Variants in SCAMP5 observed in about 807,000 individuals in gnomAD.
The protein encoded by SCAMP5 is secretory carrier-associated membrane protein 5.
A neutral mutation model predicts 28.3 loss-of-function variants in SCAMP5; 7 were observed. The observed-to-expected ratio is 0.25, with a 90% confidence interval of 0.14 to 0.46. SCAMP5 has a LOEUF of 0.46. Ranked by LOEUF, SCAMP5 falls within the 20% of genes least tolerant of loss-of-function variation. The pLI, the probability that SCAMP5 is intolerant of heterozygous loss-of-function variation, is 0.99. For missense variants in SCAMP5, 192 were observed against 312.5 expected (o/e 0.61, Z 2.91); for synonymous variants, 117 against 116.4 (o/e 1.00, Z -0.03).
intron 3 of SCAMP5, among the ~76,000 whole-genome samples, chr15:75,016,071 C>T (rs2065856944): frequency 6.6e-6 from 1 of 152,140 alleles, no homozygotes; most frequent in South Asian, 2.1e-4. Flanking sequence ...CTTTCCATGC[C>T]CATATCTCGA....
rs1203239595 is a variant in SCAMP5, at chr15:75,019,827, A to G, written c.*844A>G. On this transcript the variant is annotated 3_prime_UTR_variant, in exon 7 of 7. Coordinates refer to ENST00000425597, the MANE Select transcript of SCAMP5 (RefSeq NM_138967.4). ...GAGCCCACCTGGGTACCTGACCCCC[A>G]GGGGATGAAAATGCAAGGATGAGTC... The G allele has an allele frequency of 1.3e-5, 2 of 152,664 alleles. No homozygotes were observed. Among genetic ancestry groups the G allele is most frequent in the Admixed American group, 6.5e-5 (1 of 15,282 alleles). 9.5% of individuals were successfully genotyped at this position (152,664 alleles called of 1,614,324 possible).
chr15:75,012,543 C>A lies in SCAMP5; in HGVS notation c.8-134C>A, dbSNP rs553784007. ...CACAGCTGACCCGGGGAGGTAGGGA[C>A]GGCTGGGTGGGGAAAGCAGAGTGGC... is the stretch of plus-strand genomic sequence containing the variant. On this transcript the variant is annotated intron_variant, in intron 2 of 6. Transcript: ENST00000425597. 21 of 1,004,622 alleles carry A rather than the reference C, an allele frequency of 2.1e-5. No individual in the cohort carries two copies. The East Asian group carries it at 5.1e-4, about 24-fold the overall frequency. 62.2% of individuals were successfully genotyped at this position (1,004,622 alleles called of 1,614,324 possible).
At chr15:75,016,784 T>C in intron 4 of SCAMP5, 35 bp downstream of exon 4, 1 of 1,550,866 alleles carries the variant, frequency 6.4e-7, no homozygotes, top group Non-Finnish European at 8.8e-7. Flanking sequence ...TGCCTAGCCG[T>C]CTCTGCCCAT....
At position 74,995,580 on chromosome 15, in the gene SCAMP5, G is replaced by A. The variant is rs2065643205; in HGVS notation, c.-142G>A. ...CGCGCGCTCCCCGCCCCCAGCCCCG[G>A]AGCGGCTCGCGGCCGGCTCCGCGCC... is the stretch of plus-strand genomic sequence containing the variant. On this transcript the variant is annotated 5_prime_UTR_variant, in exon 1 of 7. Transcript: ENST00000425597. The A allele has an allele frequency of 7.0e-6, 1 of 143,812 alleles. No homozygotes were observed. Among genetic ancestry groups the A allele is most frequent in the African/African-American group, 2.5e-5 (1 of 39,632 alleles). The allele number at this position is 143,812 out of a possible 1,614,324, so 8.9% of individuals were successfully genotyped here.
Position 75,003,208 on chromosome 15 carries a change from C to A in SCAMP5, c.-49+7535C>A, listed in dbSNP as rs539327314. Among the ~76,000 whole-genome samples, 171 of 152,324 alleles carry A rather than the reference C, an allele frequency of 1.1e-3. 5 individuals carry two copies. The South Asian group carries it at 0.034, about 30-fold the overall frequency. On this transcript the variant is annotated intron_variant, in intron 1 of 6. Transcript: ENST00000425597. ...AAAGTGCTGGGATTACAGGCGTGAGCCATGGTGCCCAGCCTGCAAATTGGC... is the reference window on the plus strand; with the variant it reads ...AAAGTGCTGGGATTACAGGCGTGAGACATGGTGCCCAGCCTGCAAATTGGC...
intron 1 of SCAMP5, chr15:74,995,989 T>TC (rs1057045180): frequency 8.6e-5 from 13 of 152,018 alleles, no homozygotes; most frequent in Non-Finnish European, 1.8e-4. Context: ...GGGCCCTCCA[T>TC]CCCCCCCGCC....
chr15:75,000,359 G>A (rs112025779), intron 1 of SCAMP5, among the ~76,000 whole-genome samples: 9,263 of 151,438 alleles, frequency 0.061, 339 homozygotes, highest in Admixed American at 0.11. Flanking sequence ...ACATGCCACC[G>A]GGCTAGGCAT....
At chr15:75,006,729 C>A (rs1158820871) in intron 1 of SCAMP5, among the ~76,000 whole-genome samples, 3 of 149,182 alleles carry the variant, frequency 2.0e-5, no homozygotes, top group Non-Finnish European at 4.4e-5. Flanking sequence ...GAGCCGAGAT[C>A]ACGCCGCTGC....
intron 4 of SCAMP5, among the ~76,000 whole-genome samples, chr15:75,017,485 A>G (rs1275259188): frequency 6.6e-6 from 1 of 151,950 alleles, no homozygotes; most frequent in African/African-American, 2.4e-5. Flanking sequence ...GAGACTTTCT[A>G]TCTCTGAGCC....
rs779369723 is a variant in SCAMP5 at position 75,018,361 on chromosome 15, G to C, written c.396-57G>C. On this transcript the variant is annotated intron_variant, in intron 5 of 6. Transcript: ENST00000425597. The surrounding 1 kb of genome is among the most constrained non-coding windows in gnomAD (Gnocchi z 5.6). ...ATGAGACGGTCCCTTCCTCTAGCGGGGGGCTCCTGGGCACCTCTTATCCTG... is the reference window on the plus strand; with the variant it reads ...ATGAGACGGTCCCTTCCTCTAGCGGCGGGCTCCTGGGCACCTCTTATCCTG... The C allele has an allele frequency of 9.6e-7, 1 of 1,038,498 alleles. No individual in the cohort carries two copies. Among genetic ancestry groups the C allele is most frequent in the Non-Finnish European group, 1.5e-6 (1 of 654,862 alleles). The allele number at this position is 1,038,498 out of a possible 1,614,324, so 64.3% of individuals were successfully genotyped here.
At chr15:75,010,253 G>A (rs989699645) in intron 1 of SCAMP5, among the ~76,000 whole-genome samples, 26 of 152,038 alleles carry the variant, frequency 1.7e-4, no homozygotes, top group African/African-American at 5.8e-4. Flanking sequence ...GTCCCCCAGC[G>A]TCTCTACCCT....
At chr15:74,997,950 G>A (rs868159940) in intron 1 of SCAMP5, among the ~76,000 whole-genome samples, 2 of 152,252 alleles carry the variant, frequency 1.3e-5, no homozygotes, top group South Asian at 2.1e-4. Flanking sequence ...TTAGCAGGTT[G>A]GCTCTGGGCA....
chr15:74,996,907 G>A lies in SCAMP5; in HGVS notation c.-49+1234G>A, dbSNP rs551437476. Among the ~76,000 whole-genome samples, 29 of 152,250 alleles carry A rather than the reference G, an allele frequency of 1.9e-4. No homozygotes were observed. Among genetic ancestry groups the A allele is most frequent in the African/African-American group, 5.5e-4 (23 of 41,546 alleles). On this transcript the variant is annotated intron_variant, in intron 1 of 6. Transcript: ENST00000425597. The surrounding 1 kb of genome is among the most constrained non-coding windows in gnomAD (Gnocchi z 4.1). ...TCTGGTGAATGGGCCCCTGAAAGAG[G>A]GTCTTAGGTTTAGCAAACCCCTTGG...
intron 1 of SCAMP5, among the ~76,000 whole-genome samples, chr15:75,000,076 A>G (rs549119422): frequency 1.3e-5 from 2 of 152,366 alleles, no homozygotes; most frequent in Admixed American, 6.5e-5. Flanking sequence ...CCTAAAGATC[A>G]GACTGTTAAA....
chr15:75,003,170 A>T (rs1412079181), intron 1 of SCAMP5, among the ~76,000 whole-genome samples: 2 of 152,190 alleles, frequency 1.3e-5, no homozygotes, highest in Non-Finnish European at 2.9e-5. Flanking sequence ...TGATCCGTCC[A>T]TCTCGGCCTC....
chr15:75,011,093 T>TACTC (rs2065807039), intron 1 of SCAMP5, among the ~76,000 whole-genome samples: 1 of 151,994 alleles, frequency 6.6e-6, no homozygotes, highest in East Asian at 1.9e-4. Flanking sequence ...TAGTTCCAGC[T>TACTC]ACTCAGGAGG....
intron 1 of SCAMP5, among the ~76,000 whole-genome samples, chr15:75,004,065 C>T (rs1402671274): frequency 3.3e-5 from 5 of 151,638 alleles, no homozygotes; most frequent in African/African-American, 4.9e-5. Context: ...CCACCATGCC[C>T]GGCTAATTTT....
At chr15:75,012,906 T>C in intron 3 of SCAMP5, 101 bp downstream of exon 3, 2 of 1,165,602 alleles carry the variant, frequency 1.7e-6, no homozygotes, top group Non-Finnish European at 2.5e-6. Context: ...CTGACTGTCC[T>C]TCAGTCCCAC....
chr15:75,017,906 T>C lies in SCAMP5; in HGVS notation c.330T>C (p.Phe110=). 1 of 1,613,950 alleles carries C rather than the reference T, an allele frequency of 6.2e-7. No individual in the cohort carries two copies. The highest frequency in any genetic ancestry group is 1.3e-5 in the African/African-American group (1 of 75,060). Residue 110 remains phenylalanine, a synonymous_variant, in exon 5 of 7, where the codon TTT becomes TTC. Transcript: ENST00000425597. ...DSSFSFMAFF[F]TFMAQLVISI... is the part of the protein sequence containing the mutation. ...CCTTCAGTTTCATGGCATTCTTCTT[T>C]ACCTTCATGGCTCAGTTGGTCATCA...
Sources: gnomAD v4.1 joint callset for allele counts (sites outside exome capture counted in the v4.1 genomes callset) on GRCh38, gnomAD v4.1.1 for gene constraint, Gnocchi (gnomAD v3.1) non-coding constraint, MANE v1.5 for transcripts, NCBI Gene and HGNC (gene_info 2026-07-23, HGNC 2026-07-21) for gene names.